Variants in DAAM1 observed in about 807,000 individuals in gnomAD.
DAAM1 encodes dishevelled associated activator of morphogenesis 1, also known as disheveled-associated activator of morphogenesis 1.
Under a neutral mutation model 130.0 loss-of-function variants are expected in DAAM1, and 52 were observed. The observed-to-expected ratio is 0.40, with a 90% CI of 0.32 to 0.50. DAAM1 has a LOEUF of 0.50. Ranked by LOEUF, DAAM1 falls within the 20% of genes least tolerant of loss-of-function variation. The pLI is 0.61. For missense variants in DAAM1, 1,134 were observed against 1,303.8 expected, an observed-to-expected ratio of 0.87 and a Z score of 2.01; for synonymous variants, 452 against 444.5, an observed-to-expected ratio of 1.02 and a Z score of -0.21.
At chr14:59,248,563 T>C (rs1319810709) in intron 1 of DAAM1, among the ~76,000 whole-genome samples, 1 of 152,200 alleles carries the variant, frequency 6.6e-6, no homozygotes, top group Non-Finnish European at 1.5e-5. Flanking sequence ...ATTTCTGTTT[T>C]GGTTGATGAT....
chr14:59,276,014 A>G (rs1882950259), intron 2 of DAAM1, among the ~76,000 whole-genome samples: 1 of 152,102 alleles, frequency 6.6e-6, no homozygotes, highest in South Asian at 2.1e-4. Context: ...CTTGTTTTCC[A>G]TTTATGTTTT....
At chr14:59,362,389 T>C (rs1886742297) in intron 22 of DAAM1, 1 of 152,188 alleles carries the variant, frequency 6.6e-6, no homozygotes, top group Admixed American at 6.5e-5. Flanking sequence ...GTGTTCTAAT[T>C]GTGCTTTACA....
At chr14:59,273,171 C>T (rs142417225) in intron 2 of DAAM1, among the ~76,000 whole-genome samples, 23 of 152,330 alleles carry the variant, frequency 1.5e-4, no homozygotes, top group Non-Finnish European at 2.4e-4. Context: ...TCATTAAACA[C>T]ATCCAATAAA....
intron 17 of DAAM1, among the ~76,000 whole-genome samples, chr14:59,350,916 C>G (rs573063775): frequency 1.1e-4 from 17 of 152,184 alleles, no homozygotes; most frequent in Non-Finnish European, 1.9e-4. Flanking sequence ...AGTAACCTAC[C>G]TGTTAAAACC....
At position 59,292,687 on chromosome 14, in the gene DAAM1, A is replaced by G. The variant is rs138659622; in HGVS notation, c.273+1381A>G. On this transcript the variant is annotated intron_variant, in intron 3 of 24. Coordinates refer to ENST00000360909, the MANE Select transcript of DAAM1 (RefSeq NM_001270520.2). ...CTGGGCAATTTTAATTGGTAGAACTATGTGTCAGATTCAGTTCTGGTGGCC... is the reference window on the plus strand; with the variant it reads ...CTGGGCAATTTTAATTGGTAGAACTGTGTGTCAGATTCAGTTCTGGTGGCC... Among the ~76,000 whole-genome samples, 5 of 152,356 alleles carry G rather than the reference A, an allele frequency of 3.3e-5. No individual in the cohort carries two copies. The East Asian group carries it at 7.7e-4, about 23-fold the overall frequency.
chr14:59,321,548 A>G (rs984822985), intron 5 of DAAM1, among the ~76,000 whole-genome samples: 2 of 152,184 alleles, frequency 1.3e-5, no homozygotes, highest in African/African-American at 4.8e-5. Flanking sequence ...TGCCTCCTGC[A>G]CTTTCATTCC....
chr14:59,337,887 TATAACAC>T (rs1393344048), intron 15 of DAAM1, among the ~76,000 whole-genome samples: 1 of 152,154 alleles, frequency 6.6e-6, no homozygotes, highest in East Asian at 1.9e-4. Flanking sequence ...AATCCTTCCT[TATAACAC>T]AAGATGACAG....
Position 59,291,212 on chromosome 14 carries a change from C to T in DAAM1, c.184-5C>T, listed in dbSNP as rs371124926. The T allele has an allele frequency of 4.4e-6, 7 of 1,601,782 alleles. No homozygotes were observed. The highest frequency in any genetic ancestry group is 5.1e-6 in the Non-Finnish European group (6 of 1,176,472). On this transcript the variant is annotated splice_region_variant and splice_polypyrimidine_tract_variant and intron_variant, in intron 2 of 24. Transcript: ENST00000360909. ...TGAAACACTAATTATTTTCTTTCTT[C>T]TCAGGATGAACTGGACCTCACAGAC...
intron 2 of DAAM1, among the ~76,000 whole-genome samples, chr14:59,268,255 T>C (rs1882552764): frequency 6.6e-6 from 1 of 152,206 alleles, no homozygotes; most frequent in Admixed American, 6.5e-5. Flanking sequence ...TGATGGACAT[T>C]TGGGCTGTTG....
chr14:59,287,434 A>G (rs1883511632), intron 2 of DAAM1, among the ~76,000 whole-genome samples: 1 of 152,196 alleles, frequency 6.6e-6, no homozygotes, highest in Admixed American at 6.5e-5. Flanking sequence ...TGCTAGCCAG[A>G]GCAAATAAGC....
chr14:59,247,029 ATGTT>A (rs1881413605), intron 1 of DAAM1, among the ~76,000 whole-genome samples: 1 of 152,144 alleles, frequency 6.6e-6, no homozygotes, highest in South Asian at 2.1e-4. Flanking sequence ...TTGGGGTCTT[ATGTT>A]TAAGTCTTTA....
chr14:59,322,630 T>C (rs920704428), intron 5 of DAAM1, among the ~76,000 whole-genome samples: 3 of 152,192 alleles, frequency 2.0e-5, no homozygotes, highest in Admixed American at 1.3e-4. Flanking sequence ...TTTTTATGAA[T>C]ATATGATCTG....
At chr14:59,307,845 G>A (rs1884430891) in intron 3 of DAAM1, among the ~76,000 whole-genome samples, 1 of 152,162 alleles carries the variant, frequency 6.6e-6, no homozygotes, top group South Asian at 2.1e-4. Context: ...TTGACAGCTG[G>A]CGAGTCGAGG....
chr14:59,198,017 G>T (rs1292848214), intron 1 of DAAM1, among the ~76,000 whole-genome samples: 2 of 152,104 alleles, frequency 1.3e-5, no homozygotes, highest in African/African-American at 4.8e-5. Flanking sequence ...TAGAGGGGAG[G>T]ACAGAGAGAG....
intron 3 of DAAM1, among the ~76,000 whole-genome samples, chr14:59,296,031 T>C (rs1883942544): frequency 6.6e-6 from 1 of 152,208 alleles, no homozygotes; most frequent in South Asian, 2.1e-4. Flanking sequence ...GGTTTAGTCT[T>C]CTGCAATTGA....
chr14:59,355,790 A>G (rs1886458483), intron 20 of DAAM1, among the ~76,000 whole-genome samples: 1 of 152,196 alleles, frequency 6.6e-6, no homozygotes, highest in Non-Finnish European at 1.5e-5. Flanking sequence ...TGACCCCTCT[A>G]CAGAAAACTG....
chr14:59,199,399 A>C (rs1205979654), intron 1 of DAAM1, among the ~76,000 whole-genome samples: 1 of 152,172 alleles, frequency 6.6e-6, no homozygotes, highest in Non-Finnish European at 1.5e-5. Context: ...TGCAGGGCTG[A>C]TCACCACTTT....
intron 1 of DAAM1, among the ~76,000 whole-genome samples, chr14:59,260,839 G>A (rs1165571952): frequency 2.6e-5 from 4 of 152,294 alleles, no homozygotes; most frequent in East Asian, 1.9e-4. Flanking sequence ...CAGGGTGGGA[G>A]GATGTTGCTA....
intron 2 of DAAM1, among the ~76,000 whole-genome samples, chr14:59,276,033 G>A (rs1181519291): frequency 1.3e-5 from 2 of 152,134 alleles, no homozygotes; most frequent in Non-Finnish European, 2.9e-5. Context: ...TTTCCTGACT[G>A]GTTGGGAGCA....
Sources: gnomAD v4.1 joint callset for allele counts (sites outside exome capture counted in the v4.1 genomes callset) on GRCh38, gnomAD v4.1.1 for gene constraint, MANE v1.5 for transcripts, NCBI Gene and HGNC (gene_info 2026-07-23, HGNC 2026-07-21) for gene names.